The following RRP7A variants were observed in gnomAD, a reference collection of about 807,000 sequenced individuals.
RRP7A encodes ribosomal RNA processing 7 homolog A.
RRP7A carries 27 observed loss-of-function variants against 38.4 expected under a neutral mutation model. That is an observed-to-expected ratio of 0.70 (90% CI 0.52 to 0.97). The LOEUF (loss-of-function observed/expected upper bound fraction) is 0.97. RRP7A is among the 50% of genes least tolerant of loss of function. The pLI, the probability that RRP7A is intolerant of heterozygous loss-of-function variation, is 0.00. For missense variants in RRP7A, 327 were observed against 375.4 expected (o/e 0.87, Z 1.07); for synonymous variants, 124 against 150.3 (o/e 0.83, Z 1.28).
At chr22:42,515,914 G>A in intron 3 of RRP7A, 97 bp downstream of exon 3, 1 of 1,429,090 alleles carries the variant, frequency 7.0e-7, no homozygotes, top group Non-Finnish European at 9.5e-7. Context: ...CTCAGGACCA[G>A]AGAATGCTCT....
In RRP7A at chr22:42,508,426, T is replaced by TAA. The variant is rs10671822; in HGVS notation, c.*4483_*4484insTT. On this transcript the variant is annotated 3_prime_UTR_variant, in exon 7 of 7. Coordinates refer to ENST00000323013, the MANE Select transcript of RRP7A (RefSeq NM_015703.5). ...AGCTTGATTGCATTATTTTGCATGCTGTTTTCCAAATCCAGCTTCGTGTCA... is the reference window on the plus strand; with the variant it reads ...AGCTTGATTGCATTATTTTGCATGCTAAGTTTTCCAAATCCAGCTTCGTGTCA... Among the ~76,000 whole-genome samples the TAA allele has an allele frequency of 0.25, 37,483 of 150,420 alleles. 4,785 individuals are homozygous for TAA. Among genetic ancestry groups the TAA allele is most frequent in the African/African-American group, 0.39 (15,740 of 40,636 alleles).
chr22:42,516,316 T>A (rs1322533975), intron 2 of RRP7A, 180 bp from the exon 3 acceptor site: 3 of 780,518 alleles, frequency 3.8e-6, no homozygotes, highest in Non-Finnish European at 6.4e-6. Context: ...AGGGACAATA[T>A]GGAGGTTGAT....
chr22:42,519,690 G>A (rs1026058559), intron 1 of RRP7A, 24 bp downstream of exon 1: 4 of 1,441,968 alleles, frequency 2.8e-6, no homozygotes, highest in Non-Finnish European at 2.7e-6. Context: ...ACCGCCCCCG[G>A]TCTCGCGTCC....
rs1360122901 is a variant in RRP7A at position 42,511,496 on chromosome 22, C to T, written c.*1414G>A. ...AGCCTAGTCTCACTTTATAGGCTCC[C>T]AAACCACAGCAGAACACCTGGCTGC... On this transcript the variant is annotated 3_prime_UTR_variant, in exon 7 of 7. Transcript: ENST00000323013. 1 of 153,356 alleles carries T rather than the reference C, an allele frequency of 6.5e-6. No individual in the cohort carries two copies. Among genetic ancestry groups the T allele is most frequent in the Non-Finnish European group, 1.5e-5 (1 of 68,950 alleles). The allele number at this position is 153,356 out of a possible 1,614,324, so 9.5% of individuals were successfully genotyped here. A position where few individuals can be genotyped will look rare whatever the true frequency, so the allele number is the denominator to read the frequency against.
At position 42,510,612 on chromosome 22, in the gene RRP7A, C is replaced by A. The variant is rs972135799; in HGVS notation, c.*2298G>T. ...GTTCTAAGATGAACCCCAACAACCC[C>A]CAACTCCTCACTTTCCAGAGCAGTC... On this transcript the variant is annotated 3_prime_UTR_variant, in exon 7 of 7. Coordinates refer to ENST00000323013, the MANE Select transcript of RRP7A (RefSeq NM_015703.5). 6 of 1,111,756 alleles carry A rather than the reference C, an allele frequency of 5.4e-6. No homozygotes were observed. The African/African-American group carries it at 9.6e-5, about 18-fold the overall frequency. The allele number at this position is 1,111,756 out of a possible 1,614,324, so 68.9% of individuals were successfully genotyped here. A position where few individuals can be genotyped will look rare whatever the true frequency, so the allele number is the denominator to read the frequency against.
Position 42,516,080 on chromosome 22 carries a change from C to G in RRP7A, c.273G>C (p.Gln91His), listed in dbSNP as rs1920928750. The G allele has an allele frequency of 1.2e-6, 2 of 1,613,612 alleles. No individual in the cohort carries two copies. The highest frequency in any genetic ancestry group is 2.7e-5 in the African/African-American group (2 of 74,918). ...GGCTCTCAGCCAGGTCCGGCTTCTC[C>G]TGCAACTCTACAGACTGGACGAGGC... ...TCGLVQSVEL[Q>H]EKPDLAESPK... The change falls in exon 3 of 7, where the codon CAG (glutamine) becomes CAC (histidine). Residue 91 changes from glutamine to histidine, a missense_variant. Transcript: ENST00000323013.
intron 6 of RRP7A, among the ~76,000 whole-genome samples, chr22:42,513,685 G>T (rs1323494886): frequency 1.9e-5 from 2 of 106,182 alleles, no homozygotes; most frequent in Admixed American, 1.7e-4. Context: ...CCTGTGCGGG[G>T]CCACCTGACA....
rs577236886 is a variant in RRP7A at position 42,519,747 on chromosome 22, C to G, written c.40G>C (p.Glu14Gln). Residue 14 changes from glutamate to glutamine, a missense_variant, in exon 1 of 7, where the codon GAG becomes CAG. Around this residue, in one of 5 missense-constraint regions of RRP7A, gnomAD observed 183 missense variants for 141.8 expected, o/e 1.29. Transcript: ENST00000323013. ...RRRKCAARDP[E>Q]DRIPSPLGYA... Reference sequence around the variant, plus strand: ...CCCAGTGGGCTGGGGATACGGTCCTCCGGGTCCCGCGCGGCGCACTTCCTC... The same window carrying G: ...CCCAGTGGGCTGGGGATACGGTCCTGCGGGTCCCGCGCGGCGCACTTCCTC... 1.4e-6 allele frequency: 2 copies of G among 1,456,534 alleles called. No homozygotes were observed. The highest frequency in any genetic ancestry group is 1.8e-6 in the Non-Finnish European group (2 of 1,106,790). 90.2% of individuals were successfully genotyped at this position (1,456,534 alleles called of 1,614,324 possible).
At position 42,509,638 on chromosome 22, in the gene RRP7A, C is replaced by T. The variant is rs1434888723; in HGVS notation, c.*3272G>A. ...GCCACCGTGCGTGGCCCACCATAGA[C>T]GATTTTTAAGCCATAAAAAGAAACG... is the stretch of plus-strand genomic sequence containing the variant. On this transcript the variant is annotated 3_prime_UTR_variant, in exon 7 of 7. Coordinates refer to ENST00000323013, the MANE Select transcript of RRP7A (RefSeq NM_015703.5). Among the ~76,000 whole-genome samples, 1 of 151,828 alleles carries T rather than the reference C, an allele frequency of 6.6e-6. No homozygotes were observed. Among genetic ancestry groups the T allele is most frequent in the South Asian group, 2.1e-4 (1 of 4,828 alleles).
chr22:42,514,018 C>T (rs1476825375), intron 6 of RRP7A, 88 bp downstream of exon 6: 16 of 1,159,634 alleles, frequency 1.4e-5, no homozygotes, highest in East Asian at 7.6e-5. Flanking sequence ...CCAAGTCCAG[C>T]GCCCGCCCTC....
intron 1 of RRP7A, among the ~76,000 whole-genome samples, 197 bp downstream of exon 1, chr22:42,519,517 G>A (rs577101912): frequency 1.3e-5 from 2 of 152,150 alleles, no homozygotes; most frequent in African/African-American, 2.4e-5. Flanking sequence ...CGCCCCGGGA[G>A]AGTGAGCAGG....
rs9623613 is a variant in RRP7A at position 42,517,232 on chromosome 22, C to T, written c.216+773G>A. Among the ~76,000 whole-genome samples, 544 of 150,446 alleles carry T rather than the reference C, an allele frequency of 3.6e-3. 4 individuals are homozygous for T. Among genetic ancestry groups the T allele is most frequent in the African/African-American group, 0.012 (509 of 40,846 alleles). ...AGCGGAGGTTGCAGTGAGTTGTGAA[C>T]GCTGTGCTCCAGCCTGAGCAACAGA... is the stretch of plus-strand genomic sequence containing the variant. On this transcript the variant is annotated intron_variant, in intron 2 of 6. Transcript: ENST00000323013.
rs1436454965 is a variant in RRP7A, at chr22:42,509,494, G to A, written c.*3416C>T. ...ACTACAGGCGCCCGCCACCACGCCTGGCTTATTTTTGTATTTTTAGTAGAG... is the reference window on the plus strand; with the variant it reads ...ACTACAGGCGCCCGCCACCACGCCTAGCTTATTTTTGTATTTTTAGTAGAG... On this transcript the variant is annotated 3_prime_UTR_variant, in exon 7 of 7. Coordinates refer to ENST00000323013, the MANE Select transcript of RRP7A (RefSeq NM_015703.5). Among the ~76,000 whole-genome samples the A allele has an allele frequency of 6.7e-6, 1 of 150,138 alleles. No individual in the cohort carries two copies. The highest frequency in any genetic ancestry group is 6.7e-5 in the Admixed American group (1 of 14,842).
In RRP7A at chr22:42,518,961, GGT is replaced by G. The variant is rs1352529601; in HGVS notation, c.73+751_73+752del. Among the ~76,000 whole-genome samples, 5 of 147,244 alleles carry G rather than the reference GGT, an allele frequency of 3.4e-5. 1 individual carries two copies. Among genetic ancestry groups the G allele is most frequent in the African/African-American group, 1.3e-4 (5 of 39,388 alleles). ...CATTACAGGGTGATGGGGTGGCAGA[GGT>G]CTTCTTTCCATAGGCCATCACGGAT... On this transcript the variant is annotated intron_variant, in intron 1 of 6. Coordinates refer to ENST00000323013, the MANE Select transcript of RRP7A (RefSeq NM_015703.5).
At chr22:42,516,405 T>G (rs1212974047) in intron 2 of RRP7A, 1 of 493,388 alleles carries the variant, frequency 2.0e-6, no homozygotes, top group Non-Finnish European at 3.9e-6. Context: ...CACCTTCGGG[T>G]TGCAAGTGAT....
At position 42,509,082 on chromosome 22, in the gene RRP7A, A is replaced by T. The variant is rs1185839577; in HGVS notation, c.*3828T>A. The T allele has an allele frequency of 1.2e-6, 2 of 1,613,836 alleles. No individual in the cohort carries two copies. The highest frequency in any genetic ancestry group is 1.7e-6 in the Non-Finnish European group (2 of 1,179,818). The stretch of plus-strand genomic sequence containing the variant: ...GGAGCTGTGTGCGCATTCCATCAGG[A>T]AGCTGCAGGCCCATGTCCTGTTGAT... On this transcript the variant is annotated 3_prime_UTR_variant, in exon 7 of 7. Coordinates refer to ENST00000323013, the MANE Select transcript of RRP7A (RefSeq NM_015703.5).
Position 42,512,443 on chromosome 22 carries a change from G to T in RRP7A, c.*467C>A, listed in dbSNP as rs564332674. ...GGGGAGACAGAGTCTGGGTTCCAGG[G>T]CTGCTGTCTCCTGGCTAATAATCTC... is the stretch of plus-strand genomic sequence containing the variant. On this transcript the variant is annotated 3_prime_UTR_variant, in exon 7 of 7. Coordinates refer to ENST00000323013, the MANE Select transcript of RRP7A (RefSeq NM_015703.5). 934 of 608,334 alleles carry T rather than the reference G, an allele frequency of 1.5e-3. 3 individuals are homozygous for T. In the South Asian group the frequency reaches 0.018, roughly 12 times the overall value. The allele number at this position is 608,334 out of a possible 1,614,324, so 37.7% of individuals were successfully genotyped here. A position where few individuals can be genotyped will look rare whatever the true frequency, so the allele number is the denominator to read the frequency against.
rs764053729 is a variant in RRP7A, at chr22:42,514,160, G to A, written c.703C>T (p.Arg235Ter). Residue 235 changes from arginine to a stop codon, truncating the protein, a stop_gained, in exon 6 of 7, where the codon CGA (arginine) becomes TGA (stop). Coordinates refer to ENST00000323013, the MANE Select transcript of RRP7A (RefSeq NM_015703.5). LOFTEE classifies it high-confidence loss of function. Reference sequence around the variant, plus strand: ...GCGTAGAAGTTGAGCAGCTCTTTTCGGCTGCGCTTCCGTCTCTCCCTCTCC... The same window carrying A: ...GCGTAGAAGTTGAGCAGCTCTTTTCAGCTGCGCTTCCGTCTCTCCCTCTCC... ...VLERERRKRS[R>*]KELLNFYAWQ... 15 of 1,613,264 alleles carry A rather than the reference G, an allele frequency of 9.3e-6. No homozygotes were observed. The highest frequency in any genetic ancestry group is 1.3e-5 in the African/African-American group (1 of 74,896).
chr22:42,516,224 C>T, intron 2 of RRP7A, 88 bp from the exon 3 acceptor site: 1 of 1,559,596 alleles, frequency 6.4e-7, no homozygotes, highest in Non-Finnish European at 8.7e-7. Flanking sequence ...GCCAGGGGTC[C>T]AGCGCCGCTG....
Sources: gnomAD v4.1 joint callset for allele counts (sites outside exome capture counted in the v4.1 genomes callset) on GRCh38, gnomAD v4.1.1 for gene constraint, gnomAD v4.1.1 regional missense constraint, MANE v1.5 for transcripts, NCBI Gene and HGNC (gene_info 2026-07-23, HGNC 2026-07-21) for gene names.